SHPRH: variants seen among roughly 807,000 people sequenced by gnomAD.
SHPRH encodes E3 ubiquitin-protein ligase SHPRH.
A neutral mutation model predicts 202.5 loss-of-function variants in SHPRH; 106 were observed. That is an observed-to-expected ratio of 0.52 (90% CI 0.45 to 0.62). The LOEUF (loss-of-function observed/expected upper bound fraction) is 0.62, where lower values mean the gene tolerates loss of function less well. SHPRH is among the 20% of genes least tolerant of loss of function. The pLI is 0.00. For synonymous variants in SHPRH, 729 were observed against 686.0 expected (o/e 1.06, Z -0.98); for missense variants, 1,710 against 2,020.0 (o/e 0.85, Z 2.94).
At chr6:145,918,273 A>G in intron 22 of SHPRH, 41 bp from the exon 23 acceptor site, 1 of 1,280,356 alleles carries the variant, frequency 7.8e-7, no homozygotes. Context: ...TTCTTTCAGA[A>G]AGACAGTTAA....
rs1166658062 is a variant in SHPRH at position 145,947,528 on chromosome 6, G to C, written c.1177C>G (p.Gln393Glu). The C allele has an allele frequency of 6.2e-7, 1 of 1,612,862 alleles. No individual in the cohort carries two copies. Among genetic ancestry groups the C allele is most frequent in the Non-Finnish European group, 8.5e-7 (1 of 1,179,244 alleles). ...GTGAGAGCATCTTGCTTGACATCTT[G>C]TCGAGTATGTGTCAGAATCAGAGCC... The part of the protein sequence containing the change: ...VLALILTHTR[Q>E]DVKQDALTLP... Residue 393 changes from glutamine (Q) to glutamate (E), a missense_variant, in exon 6 of 30, where the codon CAA becomes GAA. By Grantham distance (29) the Gln-to-Glu change is conservative. Transcript: ENST00000275233.
chr6:145,943,253 T>A lies in SHPRH; in HGVS notation c.2128A>T (p.Met710Leu). ...PFYCPHCLVA[M>L]EPVSTRATLI... Reference sequence around the variant, plus strand: ...GTTGCTCTTGTTGACACTGGTTCCATTGCAACAAGGCAGTGGGGGCAGTAA... The same window carrying A: ...GTTGCTCTTGTTGACACTGGTTCCAATGCAACAAGGCAGTGGGGGCAGTAA... Residue 710 changes from methionine to leucine, a missense_variant, in exon 9 of 30, where the codon ATG (methionine) becomes TTG (leucine). Transcript: ENST00000275233. 2.5e-6 allele frequency: 4 copies of A among 1,613,840 alleles called. No homozygotes were observed. The highest frequency in any genetic ancestry group is 3.4e-6 in the Non-Finnish European group (4 of 1,179,912).
intron 23 of SHPRH, among the ~76,000 whole-genome samples, chr6:145,916,958 T>C (rs565552763): frequency 6.6e-6 from 1 of 152,250 alleles, no homozygotes; most frequent in African/African-American, 2.4e-5. Flanking sequence ...TTTTTGTATC[T>C]TTAGTAGAGA....
chr6:145,959,573 T>C (rs1175637297), intron 1 of SHPRH, among the ~76,000 whole-genome samples: 11 of 152,202 alleles, frequency 7.2e-5, no homozygotes, highest in Non-Finnish European at 1.5e-4. Flanking sequence ...AGCCCCATCA[T>C]TAAGTGATGC....
At chr6:145,888,407 G>A (rs750092613) in intron 28 of SHPRH, among the ~76,000 whole-genome samples, 1 of 152,064 alleles carries the variant, frequency 6.6e-6, no homozygotes, top group Non-Finnish European at 1.5e-5. Flanking sequence ...AGGAGGAGTA[G>A]GAAGAATATC....
At position 145,926,217 on chromosome 6, in the gene SHPRH, C is replaced by G; in HGVS notation, c.3281G>C (p.Arg1094Pro). Residue 1094 changes from arginine to proline, a missense_variant, in exon 16 of 30, where the codon CGA becomes CCA. Arg to Pro is a moderately radical substitution (Grantham distance 103, BLOSUM62 -2). Coordinates refer to ENST00000275233, the MANE Select transcript of SHPRH (RefSeq NM_001042683.3). Reference sequence around the variant, plus strand: ...AAAAATAATTACCTCTTCCTCAAGTCGGCCATCACGCAAGGTAGGTGGTAT... The same window carrying G: ...AAAAATAATTACCTCTTCCTCAAGTGGGCCATCACGCAAGGTAGGTGGTAT... ...PGIPPTLRDGRLEEEAKQLRE... is the reference protein window; with the variant it reads ...PGIPPTLRDGPLEEEAKQLRE... 2 of 1,612,710 alleles carry G rather than the reference C, an allele frequency of 1.2e-6. No homozygotes were observed. Among genetic ancestry groups the G allele is most frequent in the Non-Finnish European group, 1.7e-6 (2 of 1,179,092 alleles).
At chr6:145,895,047 A>G in intron 25 of SHPRH, 70 bp from the exon 26 acceptor site, 7 of 1,399,214 alleles carry the variant, frequency 5.0e-6, no homozygotes, top group Admixed American at 3.9e-5. Context: ...GAAAAGCAAT[A>G]CAAAGTACTT....
At chr6:145,958,139 G>C (rs1036539993) in intron 1 of SHPRH, among the ~76,000 whole-genome samples, 2 of 152,150 alleles carry the variant, frequency 1.3e-5, no homozygotes, top group African/African-American at 4.8e-5. Flanking sequence ...AAGTAGATGA[G>C]TGGTTACCAG....
intron 2 of SHPRH, among the ~76,000 whole-genome samples, chr6:145,869,618 C>T (rs1583254399): frequency 6.6e-6 from 1 of 152,064 alleles, no homozygotes; most frequent in African/African-American, 2.4e-5. Context: ...GCTGTTTTAT[C>T]AAAGATTAGT....
At chr6:145,960,873 G>C (rs1385881789) in intron 1 of SHPRH, among the ~76,000 whole-genome samples, 2 of 152,134 alleles carry the variant, frequency 1.3e-5, no homozygotes, top group Non-Finnish European at 2.9e-5. Context: ...CGGAGGAGAG[G>C]GGTGGAGTGG....
At chr6:145,896,590 C>A (rs1782031383) in intron 25 of SHPRH, among the ~76,000 whole-genome samples, 1 of 151,994 alleles carries the variant, frequency 6.6e-6, no homozygotes, top group Admixed American at 6.6e-5. Context: ...TCCCTTCCAA[C>A]CACTACAGTT....
chr6:145,921,404 C>A lies in SHPRH; in HGVS notation c.3783-12G>T. 6.2e-7 allele frequency: 1 copy of A among 1,610,382 alleles called. No individual in the cohort carries two copies. Among genetic ancestry groups the A allele is most frequent in the Non-Finnish European group, 8.5e-7 (1 of 1,177,698 alleles). ...TCTGGCCTTTGACTCTGAAAACATA[C>A]CAGAACAAAACAACAGTAACTGGTA... On this transcript the variant is annotated splice_polypyrimidine_tract_variant and intron_variant, in intron 20 of 29. Coordinates refer to ENST00000275233, the MANE Select transcript of SHPRH (RefSeq NM_001042683.3).
In SHPRH at chr6:145,941,746, A is replaced by G. The variant is rs1177630809; in HGVS notation, c.2367T>C (p.Ser789=). The change falls in exon 10 of 30, where the codon AGT becomes AGC. Residue 789 remains serine, a synonymous_variant. Transcript: ENST00000275233. ...GGTTCCGTAGGCGACGCCCATCCTC[A>G]CTATTGCTATGTGGGATATCGACAT... ...LNYVDIPHSN[S]EDGRRLRNQK... 1.2e-6 allele frequency: 2 copies of G among 1,614,056 alleles called. No homozygotes were observed. The highest frequency in any genetic ancestry group is 1.7e-5 in the Admixed American group (1 of 59,988).
chr6:145,896,631 C>T (rs907080266), intron 25 of SHPRH, among the ~76,000 whole-genome samples: 5 of 151,962 alleles, frequency 3.3e-5, no homozygotes, highest in African/African-American at 1.2e-4. Flanking sequence ...CTAGTTACTT[C>T]CTACTTTCCT....
chr6:145,894,123 A>G, intron 27 of SHPRH, 27 bp downstream of exon 27: 1 of 1,562,908 alleles, frequency 6.4e-7, no homozygotes, highest in Non-Finnish European at 8.7e-7. Flanking sequence ...TATCCACTAC[A>G]AAAACCGGAG....
intron 25 of SHPRH, among the ~76,000 whole-genome samples, chr6:145,898,254 T>TA (rs528407599): frequency 1.3e-5 from 2 of 151,902 alleles, no homozygotes; most frequent in Non-Finnish European, 2.9e-5. Context: ...TATAATGTCA[T>TA]AAAAAAATGC....
downstream of SHPRH, among the ~76,000 whole-genome samples, chr6:145,882,465 A>T (rs1780649944): frequency 6.6e-6 from 1 of 152,212 alleles, no homozygotes; most frequent in Non-Finnish European, 1.5e-5. Context: ...AACATTCCAC[A>T]CTGATGCTTT....
chr6:145,949,709 C>T (rs925080548), intron 4 of SHPRH, among the ~76,000 whole-genome samples: 2 of 151,928 alleles, frequency 1.3e-5, no homozygotes, highest in African/African-American at 4.8e-5. Context: ...CCACTTTTAC[C>T]CCCACAAAGT....
intron 25 of SHPRH, among the ~76,000 whole-genome samples, chr6:145,902,715 TCTAGA>T (rs1782609772): frequency 6.6e-6 from 1 of 151,718 alleles, no homozygotes; most frequent in South Asian, 2.1e-4. Context: ...TTGGCTTTAC[TCTAGA>T]CTATTCAATT....
Sources: allele counts gnomAD v4.1 joint callset (sites outside exome capture counted in the v4.1 genomes callset), GRCh38; gene constraint gnomAD v4.1.1; transcripts MANE v1.5; gene names NCBI Gene and HGNC (gene_info 2026-07-23, HGNC 2026-07-21).